Variants in SAMD5 observed in about 807,000 individuals in gnomAD.
SAMD5 encodes sterile alpha motif domain containing 5, also known as sterile alpha motif domain-containing protein 5.
A neutral mutation model predicts 11.3 loss-of-function variants in SAMD5; 13 were observed. That is an observed-to-expected ratio of 1.15 (90% CI 0.75 to 1.83). The LOEUF (loss-of-function observed/expected upper bound fraction) is 1.83, where lower values mean the gene tolerates loss of function less well. Among genes scored for constraint, SAMD5 ranks in the 40% most tolerant of loss-of-function variants. The pLI is 0.00. For synonymous variants in SAMD5, 129 were observed against 111.3 expected, an observed-to-expected ratio of 1.16 and a Z score of -1.00; for missense variants, 255 against 239.1, an observed-to-expected ratio of 1.07 and a Z score of -0.44.
chr6:147,775,040 T>C, the SAMD5 span, among the ~76,000 whole-genome samples: 1 of 152,048 alleles, frequency 6.6e-6, no homozygotes, highest in Non-Finnish European at 1.5e-5. Flanking sequence ...GCCTAAATAG[T>C]CCTGGCATAT....
chr6:147,770,147 A>G, the SAMD5 span, among the ~76,000 whole-genome samples: 4 of 152,190 alleles, frequency 2.6e-5, no homozygotes, highest in Non-Finnish European at 5.9e-5. Flanking sequence ...CTCCCAGCTT[A>G]TCCATTTTAA....
intron 1 of SAMD5, among the ~76,000 whole-genome samples, chr6:147,653,803 CT>C (rs1326475854): frequency 1.3e-5 from 2 of 152,008 alleles, no homozygotes; most frequent in East Asian, 1.9e-4. Flanking sequence ...CTGCTTTGTT[CT>C]TTCCTGTGGG....
At chr6:147,583,166 A>G (rs1789323310) in intron 1 of SAMD5, among the ~76,000 whole-genome samples, 1 of 152,224 alleles carries the variant, frequency 6.6e-6, no homozygotes, top group Admixed American at 6.5e-5. Context: ...CTCTAACATG[A>G]AACTGAGCAG....
At chr6:147,904,229 C>T in the SAMD5 span, among the ~76,000 whole-genome samples, 1 of 152,146 alleles carries the variant, frequency 6.6e-6, no homozygotes, top group African/African-American at 2.4e-5. Context: ...CAGCCTCCTA[C>T]GTAGCCAGGG....
chr6:147,881,236 C>T, the SAMD5 span, among the ~76,000 whole-genome samples: 1 of 152,128 alleles, frequency 6.6e-6, no homozygotes, highest in Non-Finnish European at 1.5e-5. Context: ...GAACTCTTAA[C>T]ATTCAAAGGA....
intron 1 of SAMD5, among the ~76,000 whole-genome samples, chr6:147,544,645 A>G (rs1172681293): frequency 1.3e-5 from 2 of 152,122 alleles, no homozygotes; most frequent in African/African-American, 2.4e-5. Context: ...GTCAGCTCTG[A>G]TGGGTGGAGG....
chr6:147,719,626 G>A (rs542453068), intron 1 of SAMD5, among the ~76,000 whole-genome samples: 1 of 152,208 alleles, frequency 6.6e-6, no homozygotes, highest in Admixed American at 6.5e-5. Context: ...ACCTCAGCAA[G>A]TATCAGAATT....
chr6:147,901,940 C>T, the SAMD5 span, among the ~76,000 whole-genome samples: 10 of 152,136 alleles, frequency 6.6e-5, no homozygotes, highest in African/African-American at 1.9e-4. Flanking sequence ...AGCCCCTCAG[C>T]CCTAACATGA....
At position 147,617,281 on chromosome 6, in the gene SAMD5, G is replaced by A. The variant is rs1462997444; in HGVS notation, c.162+107894G>A. ...AGAGTATACCTTGACAAGCAGGTGA[G>A]AGACACTCAGGAACTTCAAGAAAAT... On this transcript the variant is annotated intron_variant, in intron 1 of 1. Transcript: ENST00000566741. Among the ~76,000 whole-genome samples the A allele has an allele frequency of 2.0e-5, 3 of 152,160 alleles. No homozygotes were observed. In the East Asian group the frequency reaches 5.8e-4, roughly 29 times the overall value.
chr6:147,729,823 G>T (rs1338899630), intron 1 of SAMD5: 1 of 457,000 alleles, frequency 2.2e-6, no homozygotes, highest in African/African-American at 2.0e-5. Flanking sequence ...GGCGACTCAT[G>T]CCTGTAATCC....
chr6:147,658,705 A>G (rs1790604697), intron 1 of SAMD5, among the ~76,000 whole-genome samples: 1 of 151,978 alleles, frequency 6.6e-6, no homozygotes, highest in African/African-American at 2.4e-5. Context: ...GGAAGACAGC[A>G]TTCTTTGAGC....
chr6:147,828,550 G>A, the SAMD5 span, among the ~76,000 whole-genome samples: 1 of 152,162 alleles, frequency 6.6e-6, no homozygotes, highest in African/African-American at 2.4e-5. Context: ...GGAGACACTA[G>A]ACTGGTTTAA....
the SAMD5 span, among the ~76,000 whole-genome samples, chr6:147,840,953 A>T: frequency 6.6e-6 from 1 of 152,240 alleles, no homozygotes. Context: ...TTATACGTAT[A>T]TATCAACAGA....
rs1037106373 is a variant in SAMD5, at chr6:147,566,706, C to CA, written c.*2257dup. On this transcript the variant is annotated 3_prime_UTR_variant, in exon 2 of 2. Transcript: ENST00000367474. Reference sequence around the variant, plus strand: ...TGCTTAAAGTAAGAGTCACAGTCAGCAAAAAAAGCCAATGGATTTTAAAAA... The same window carrying CA: ...TGCTTAAAGTAAGAGTCACAGTCAGCAAAAAAAAGCCAATGGATTTTAAAAA... 2 of 984,456 alleles carry CA rather than the reference C, an allele frequency of 2.0e-6. No individual in the cohort carries two copies. The highest frequency in any genetic ancestry group is 2.4e-6 in the Non-Finnish European group (2 of 829,482). The allele number at this position is 984,456 out of a possible 1,614,324, so 61.0% of individuals were successfully genotyped here. A position where few individuals can be genotyped will look rare whatever the true frequency, so the allele number is the denominator to read the frequency against.
intron 1 of SAMD5, among the ~76,000 whole-genome samples, chr6:147,639,963 G>A (rs1790285681): frequency 6.6e-6 from 1 of 152,066 alleles, no homozygotes; most frequent in Admixed American, 6.6e-5. Context: ...GGTAGAGATG[G>A]GAGAAAGGAG....
At chr6:147,720,830 C>T (rs927619801) in intron 1 of SAMD5, among the ~76,000 whole-genome samples, 1 of 139,336 alleles carries the variant, frequency 7.2e-6, no homozygotes, top group Non-Finnish European at 1.6e-5. Flanking sequence ...GTATATCTCC[C>T]AATGCTATCC....
chr6:147,671,352 G>A (rs62436324), intron 1 of SAMD5, among the ~76,000 whole-genome samples: 4,616 of 152,254 alleles, frequency 0.03, 75 homozygotes, highest in South Asian at 0.07. Context: ...CTTGTTTGAT[G>A]CAGGCTTGCC....
intron 1 of SAMD5, among the ~76,000 whole-genome samples, chr6:147,669,897 T>A (rs1312816473): frequency 6.6e-6 from 1 of 152,228 alleles, no homozygotes; most frequent in Non-Finnish European, 1.5e-5. Flanking sequence ...ATCATGGATC[T>A]TCTTAATGAC....
At chr6:147,877,944 T>C in the SAMD5 span, among the ~76,000 whole-genome samples, 21,684 of 96,822 alleles carry the variant, frequency 0.22, 3,642 homozygotes, top group Non-Finnish European at 0.28. Flanking sequence ...GATAGATAGA[T>C]AGACTCTGTC....
Sources: allele counts gnomAD v4.1 joint callset (sites outside exome capture counted in the v4.1 genomes callset), GRCh38; gene constraint gnomAD v4.1.1; transcripts MANE v1.5; gene names NCBI Gene and HGNC (gene_info 2026-07-23, HGNC 2026-07-21).